Variants in SHANK2 observed in about 807,000 individuals in gnomAD.
SHANK2 encodes SH3 and multiple ankyrin repeat domains 2, also known as SH3 and multiple ankyrin repeat domains protein 2.
Under a neutral mutation model 133.7 loss-of-function variants are expected in SHANK2, and 43 were observed. That is an observed-to-expected ratio of 0.32 (90% CI 0.25 to 0.41). The LOEUF (loss-of-function observed/expected upper bound fraction) is 0.41, where lower values mean the gene tolerates loss of function less well. Among genes scored for constraint, SHANK2 ranks in the 10% least tolerant of loss-of-function variants. SHANK2 has a pLI of 1.00. For missense variants in SHANK2, 1,994 were observed against 2,235.8 expected (o/e 0.89, Z 2.18); for synonymous variants, 1,017 against 952.8 (o/e 1.07, Z -1.24).
At chr11:71,220,588 T>A (rs1954515767) in intron 2 of SHANK2, among the ~76,000 whole-genome samples, 1 of 152,144 alleles carries the variant, frequency 6.6e-6, no homozygotes, top group Admixed American at 6.5e-5. Context: ...GAAGGAGTAT[T>A]TCTTAGGCTT....
chr11:70,932,176 T>C (rs1189350035), intron 10 of SHANK2, among the ~76,000 whole-genome samples: 2 of 152,240 alleles, frequency 1.3e-5, no homozygotes, highest in Admixed American at 1.3e-4. Flanking sequence ...GCTTCTGCCT[T>C]AGCCATGGAA....
At chr11:71,173,916 G>T (rs1333065925) in intron 2 of SHANK2, among the ~76,000 whole-genome samples, 1 of 152,208 alleles carries the variant, frequency 6.6e-6, no homozygotes. Context: ...CTCCTCTAGA[G>T]CCTTTGAAGT....
intron 15 of SHANK2, among the ~76,000 whole-genome samples, chr11:70,675,190 T>C (rs1365944458): frequency 6.6e-6 from 1 of 152,234 alleles, no homozygotes; most frequent in Non-Finnish European, 1.5e-5. Context: ...GTTTTTATGC[T>C]CTGGTTGGCT....
chr11:70,664,158 C>T (rs1270364576), intron 15 of SHANK2, among the ~76,000 whole-genome samples: 4 of 152,150 alleles, frequency 2.6e-5, no homozygotes, highest in Admixed American at 6.5e-5. Context: ...GATGAGCAGA[C>T]CCTCTACCAG....
At chr11:71,094,428 G>A (rs546844701) in intron 7 of SHANK2, 109 bp downstream of exon 7, 214 of 1,112,204 alleles carry the variant, frequency 1.9e-4, no homozygotes, top group Non-Finnish European at 2.3e-4. Flanking sequence ...AGGGTGGGCC[G>A]GAACACTGTG....
rs1555052097 is a variant in SHANK2, at chr11:70,807,107, G to T, written c.1558C>A (p.Arg520=). 1.4e-6 allele frequency: 1 copy of T among 717,734 alleles called. No individual in the cohort carries two copies. The highest frequency in any genetic ancestry group is 2.7e-5 in the East Asian group (1 of 37,194). The allele number at this position is 717,734 out of a possible 1,614,324, so 44.5% of individuals were successfully genotyped here. A position where few individuals can be genotyped will look rare whatever the true frequency, so the allele number is the denominator to read the frequency against. ...CCGGGCACGGCACTGTAGAGCTTCC[G>T]CTTGGGCCCCGGGTACTCGAAGGCC... ...LSAFEYPGPK[R]KLYSAVPGRL... is the part of the protein sequence containing the mutation. Residue 520 remains arginine, a synonymous_variant, in exon 13 of 26, where the codon CGG becomes AGG. Coordinates refer to ENST00000601538, the MANE Select transcript of SHANK2 (RefSeq NM_012309.5). The surrounding 1 kb of genome is among the most constrained non-coding windows in gnomAD (Gnocchi z 4.8).
intron 17 of SHANK2, among the ~76,000 whole-genome samples, chr11:70,595,316 C>T (rs1196796075): frequency 6.6e-6 from 1 of 152,226 alleles, no homozygotes; most frequent in African/African-American, 2.4e-5. Context: ...AGCGCCCCCT[C>T]GCAGCCAGCC....
At chr11:70,655,858 C>A (rs1379161296) in intron 17 of SHANK2, among the ~76,000 whole-genome samples, 1 of 152,108 alleles carries the variant, frequency 6.6e-6, no homozygotes, top group African/African-American at 2.4e-5. Flanking sequence ...CCTGTTGGGA[C>A]CCCCGGCATC....
chr11:70,542,237 T>C (rs2136034046), intron 17 of SHANK2, among the ~76,000 whole-genome samples: 1 of 152,292 alleles, frequency 6.6e-6, no homozygotes, highest in East Asian at 1.9e-4. Flanking sequence ...AAGTTAAGGA[T>C]TTCGAGATGA....
chr11:71,147,088 A>T (rs1952666167), intron 3 of SHANK2, 32 bp downstream of exon 3: 1 of 1,521,850 alleles, frequency 6.6e-7, no homozygotes. Flanking sequence ...CATTGTCCAG[A>T]TGTGAACCAA....
At chr11:71,145,217 T>C (rs1590955337) in intron 3 of SHANK2, among the ~76,000 whole-genome samples, 1 of 152,304 alleles carries the variant, frequency 6.6e-6, no homozygotes, top group African/African-American at 2.4e-5. Context: ...GTCTAATCTT[T>C]TGGCTTCTCT....
chr11:70,796,240 G>A (rs896835180), intron 14 of SHANK2, among the ~76,000 whole-genome samples: 20 of 152,288 alleles, frequency 1.3e-4, no homozygotes, highest in Admixed American at 8.5e-4. Context: ...ACAGGAGAGA[G>A]GAGGAAGACA....
Position 70,657,238 on chromosome 11 carries a change from G to C in SHANK2, c.2061+2590C>G, listed in dbSNP as rs2061415773. Among the ~76,000 whole-genome samples the C allele has an allele frequency of 2.0e-5, 3 of 152,150 alleles. No individual in the cohort carries two copies. The South Asian group carries it at 6.2e-4, about 32-fold the overall frequency. ...GGGCAGCTTTTCACGTGGAGACCTT[G>C]CACCTCACCGGGAGCTCAGAAACCC... On this transcript the variant is annotated intron_variant, in intron 17 of 25. Transcript: ENST00000601538.
At chr11:70,909,730 C>T (rs1192882341) in intron 10 of SHANK2, among the ~76,000 whole-genome samples, 1 of 152,184 alleles carries the variant, frequency 6.6e-6, no homozygotes, top group Non-Finnish European at 1.5e-5. Flanking sequence ...AGCCCAGGCA[C>T]AGCCTCCCTG....
In SHANK2 at chr11:71,111,379, G is replaced by A. The variant is rs78288242; in HGVS notation, c.484-1330C>T. Among the ~76,000 whole-genome samples, 1,105 of 152,286 alleles carry A rather than the reference G, an allele frequency of 7.3e-3. 15 individuals are homozygous for A. The highest frequency in any genetic ancestry group is 0.025 in the African/African-American group (1,044 of 41,544). On this transcript the variant is annotated intron_variant, in intron 5 of 25. Transcript: ENST00000601538. Reference sequence around the variant, plus strand: ...CCCCGAGTGGCTCAAGGTGAAGTGCGGGACTCATTTCCTGTGAGGTCATGA... The same window carrying A: ...CCCCGAGTGGCTCAAGGTGAAGTGCAGGACTCATTTCCTGTGAGGTCATGA...
At chr11:70,609,947 A>G (rs1404757439) in intron 17 of SHANK2, among the ~76,000 whole-genome samples, 2 of 152,190 alleles carry the variant, frequency 1.3e-5, no homozygotes, top group African/African-American at 2.4e-5. Flanking sequence ...GAAAGAAGCC[A>G]GGCGTAAAAG....
chr11:70,847,778 C>G (rs1452404842), intron 11 of SHANK2, among the ~76,000 whole-genome samples: 1 of 152,228 alleles, frequency 6.6e-6, no homozygotes, highest in Non-Finnish European at 1.5e-5. Context: ...TGCCCCCACC[C>G]ACCCAGTCCT....
At chr11:70,918,451 A>C (rs1555080231) in intron 10 of SHANK2, among the ~76,000 whole-genome samples, 2 of 152,218 alleles carry the variant, frequency 1.3e-5, no homozygotes. Flanking sequence ...TGCCAGTCGA[A>C]GTGGAATTGG....
rs1279494886 is a variant in SHANK2, at chr11:70,830,916, C to T, written c.1175-10234G>A. Among the ~76,000 whole-genome samples, 4 of 152,198 alleles carry T rather than the reference C, an allele frequency of 2.6e-5. No individual in the cohort carries two copies. Among genetic ancestry groups the T allele is most frequent in the Non-Finnish European group, 5.9e-5 (4 of 68,038 alleles). On this transcript the variant is annotated intron_variant, in intron 11 of 25. Transcript: ENST00000601538. This position sits in a 1 kb window ranked among gnomAD's most constrained non-coding sequence, Gnocchi z 4.4. ...CCCAAATGCCCACAGCATGGCTGAG[C>T]ACTCCCTTCCTTCTGCCTTTAGACC...
Sources: gnomAD v4.1 joint callset for allele counts (sites outside exome capture counted in the v4.1 genomes callset) on GRCh38, gnomAD v4.1.1 for gene constraint, Gnocchi (gnomAD v3.1) non-coding constraint, MANE v1.5 for transcripts, NCBI Gene and HGNC (gene_info 2026-07-23, HGNC 2026-07-21) for gene names.